The following FEZ2 variants were observed in gnomAD, a reference collection of about 807,000 sequenced individuals.
FEZ2 encodes fasciculation and elongation protein zeta-2.
Under a neutral mutation model 40.4 loss-of-function variants are expected in FEZ2, and 51 were observed. The observed-to-expected ratio is 1.26, with a 90% CI of 1.01 to 1.59. The LOEUF (loss-of-function observed/expected upper bound fraction) is 1.59. FEZ2 is among the 40% of genes most tolerant of loss of function. The probability of loss-of-function intolerance (pLI) is 0.00; values close to 1 mark genes in which losing one functional copy is unlikely to be tolerated. For synonymous variants in FEZ2, 242 were observed against 172.0 expected, an observed-to-expected ratio of 1.41 and a Z score of -3.18; for missense variants, 640 against 438.3, an observed-to-expected ratio of 1.46 and a Z score of -4.11.
chr2:36,560,883 C>A, intron 5 of FEZ2: 2 of 1,537,798 alleles, frequency 1.3e-6, no homozygotes, highest in Non-Finnish European at 8.9e-7. Context: ...CGGCAATATA[C>A]GGCCCAGAAG....
At chr2:36,579,078 T>A in intron 4 of FEZ2, 2 of 485,056 alleles carry the variant, frequency 4.1e-6, no homozygotes, top group East Asian at 6.4e-5. Flanking sequence ...AGTGGGCAGG[T>A]GAGTCACTTC....
intron 5 of FEZ2, among the ~76,000 whole-genome samples, chr2:36,564,029 A>AC (rs1043320198): frequency 4.0e-5 from 6 of 151,822 alleles, no homozygotes; most frequent in Non-Finnish European, 7.4e-5. Context: ...ATTATCATGC[A>AC]CCCCCTCTGG....
At chr2:36,564,105 G>C (rs1160188669) in intron 5 of FEZ2, among the ~76,000 whole-genome samples, 5 of 152,156 alleles carry the variant, frequency 3.3e-5, no homozygotes, top group Admixed American at 6.5e-5. Flanking sequence ...ACTAAGATCA[G>C]TAAAGTGCTA....
chr2:36,581,995 A>G (rs1252081041), intron 3 of FEZ2, among the ~76,000 whole-genome samples: 1 of 152,178 alleles, frequency 6.6e-6, no homozygotes, highest in Non-Finnish European at 1.5e-5. Flanking sequence ...GATTTTTTAA[A>G]TTACTCAAAA....
intron 3 of FEZ2, 89 bp from the exon 4 acceptor site, chr2:36,581,520 C>G (rs1573022280): frequency 9.0e-7 from 1 of 1,111,228 alleles, no homozygotes; most frequent in Non-Finnish European, 1.3e-6. Context: ...GCACCCAGAG[C>G]AGAAATGCAC....
In FEZ2 at chr2:36,597,975, C is replaced by T. The variant is rs1382509218; in HGVS notation, c.168G>A (p.Glu56=). The T allele has an allele frequency of 6.7e-7, 1 of 1,487,128 alleles. No homozygotes were observed. The highest frequency in any genetic ancestry group is 8.9e-7 in the Non-Finnish European group (1 of 1,124,704). 92.1% of individuals were successfully genotyped at this position (1,487,128 alleles called of 1,614,324 possible). ...AGGGGCGGAAGCACAGGCTCAGCTT[C>T]TCCTCCAAGCTGCAGGCCGGGGCCG... ...GFPAPACSLE[E]KLSLCFRPSD... The change falls in exon 1 of 8, where the codon GAG becomes GAA. Residue 56 remains glutamate (E), a synonymous_variant. Transcript: ENST00000405912.
chr2:36,593,875 G>T (rs1314574347), intron 1 of FEZ2, among the ~76,000 whole-genome samples: 1 of 151,294 alleles, frequency 6.6e-6, no homozygotes, highest in Non-Finnish European at 1.5e-5. Flanking sequence ...TAGTCAGGCT[G>T]CAAATTTTCC....
At chr2:36,593,094 G>A (rs1669116298) in intron 1 of FEZ2, among the ~76,000 whole-genome samples, 1 of 152,164 alleles carries the variant, frequency 6.6e-6, no homozygotes, top group Admixed American at 6.5e-5. Flanking sequence ...CTGAATGACT[G>A]TATAGTCCAT....
intron 6 of FEZ2, 60 bp from the exon 7 acceptor site, chr2:36,555,808 T>C (rs899434708): frequency 2.1e-6 from 2 of 955,500 alleles, no homozygotes; most frequent in East Asian, 5.2e-5. Flanking sequence ...AAAATATTAT[T>C]TAATTTCAAT....
intron 1 of FEZ2, among the ~76,000 whole-genome samples, chr2:36,595,146 A>C (rs1368565450): frequency 6.6e-6 from 1 of 152,152 alleles, no homozygotes; most frequent in Non-Finnish European, 1.5e-5. Context: ...TTTAACCAAA[A>C]CAAAAGCTGA....
chr2:36,576,640 T>A (rs1321221479), intron 5 of FEZ2, among the ~76,000 whole-genome samples: 2 of 152,212 alleles, frequency 1.3e-5, no homozygotes, highest in Non-Finnish European at 2.9e-5. Flanking sequence ...CTGAACTGAT[T>A]AAAATTTTTG....
At chr2:36,594,952 G>C (rs139819990) in intron 1 of FEZ2, among the ~76,000 whole-genome samples, 1 of 152,216 alleles carries the variant, frequency 6.6e-6, no homozygotes, top group African/African-American at 2.4e-5. Flanking sequence ...CAACTCTAGT[G>C]AAAGATTTCT....
intron 5 of FEZ2, among the ~76,000 whole-genome samples, chr2:36,564,215 T>A (rs904776367): frequency 1.3e-5 from 2 of 152,214 alleles, no homozygotes; most frequent in Non-Finnish European, 2.9e-5. Flanking sequence ...CAATTGGACA[T>A]CTGTACCTAT....
chr2:36,568,418 A>C (rs755566540), intron 5 of FEZ2, among the ~76,000 whole-genome samples: 1 of 152,224 alleles, frequency 6.6e-6, no homozygotes, highest in Non-Finnish European at 1.5e-5. Context: ...AACTGCAATA[A>C]CGCAGTATAT....
chr2:36,556,935 T>C (rs999273258), intron 6 of FEZ2: 1 of 152,198 alleles, frequency 6.6e-6, no homozygotes, highest in African/African-American at 2.4e-5. Context: ...GACCCAAATA[T>C]GTCCAGAGAT....
chr2:36,555,530 G>A, intron 7 of FEZ2, 153 bp downstream of exon 7: 1 of 455,726 alleles, frequency 2.2e-6, no homozygotes, highest in Non-Finnish European at 4.0e-6. Context: ...AATGTTGGTA[G>A]AAGTCAGTCA....
rs528598934 is a variant in FEZ2, at chr2:36,573,461, C to A, written c.903+5136G>T. Among the ~76,000 whole-genome samples the A allele has an allele frequency of 2.0e-5, 3 of 152,294 alleles. No homozygotes were observed. In the East Asian group the frequency reaches 5.8e-4, roughly 29 times the overall value. On this transcript the variant is annotated intron_variant, in intron 5 of 7. Coordinates refer to ENST00000405912, the MANE Select transcript of FEZ2 (RefSeq NM_005102.3). ...TCTGATGTAACAGAAGCCTGGCTCC[C>A]CCAATAAAAATCCCCAATAGAACAA...
intron 5 of FEZ2, among the ~76,000 whole-genome samples, chr2:36,565,739 G>A (rs1252898135): frequency 6.6e-6 from 1 of 152,062 alleles, no homozygotes; most frequent in Non-Finnish European, 1.5e-5. Flanking sequence ...ATCACACCCT[G>A]TACCTAGGTT....
chr2:36,590,993 T>G lies in FEZ2; in HGVS notation c.285A>C (p.Thr95=). 6.2e-7 allele frequency: 1 copy of G among 1,606,160 alleles called. No individual in the cohort carries two copies. Among genetic ancestry groups the G allele is most frequent in the Non-Finnish European group, 8.5e-7 (1 of 1,172,738 alleles). Residue 95 remains threonine (T), a synonymous_variant, in exon 2 of 8, where the codon ACA becomes ACC. Coordinates refer to ENST00000405912, the MANE Select transcript of FEZ2 (RefSeq NM_005102.3). ...LQGDEIWNAL[T]DNYGNVMPVD... ...CAGGCATCACATTCCCATAATTATCTGTCAGGGCATTCCAAATCCTTAAAA... is the reference window on the plus strand; with the variant it reads ...CAGGCATCACATTCCCATAATTATCGGTCAGGGCATTCCAAATCCTTAAAA...
Sources: gnomAD v4.1 joint callset for allele counts (sites outside exome capture counted in the v4.1 genomes callset) on GRCh38, gnomAD v4.1.1 for gene constraint, MANE v1.5 for transcripts, NCBI Gene and HGNC (gene_info 2026-07-23, HGNC 2026-07-21) for gene names.